EFHC1: variants seen among roughly 807,000 people sequenced by gnomAD.
The protein encoded by EFHC1 is EF-hand domain-containing protein 1.
A neutral mutation model predicts 69.9 loss-of-function variants in EFHC1; 53 were observed. That is an observed-to-expected ratio of 0.76 (90% CI 0.61 to 0.95). The LOEUF is 0.95. Among genes scored for constraint, EFHC1 ranks in the 40% least tolerant of loss-of-function variants. The pLI, the probability that EFHC1 is intolerant of heterozygous loss-of-function variation, is 0.00. For synonymous variants in EFHC1, 256 were observed against 278.4 expected (o/e 0.92, Z 0.80); for missense variants, 739 against 798.7 (o/e 0.93, Z 0.90).
intron 9 of EFHC1, chr6:52,488,626 T>C (rs952170065): frequency 6.6e-6 from 1 of 152,202 alleles, no homozygotes; most frequent in South Asian, 2.1e-4. Context: ...AAAAGCTTTG[T>C]TCCTACCCCA....
At chr6:52,459,173 T>C (rs1310933364) in intron 5 of EFHC1, among the ~76,000 whole-genome samples, 13 of 152,194 alleles carry the variant, frequency 8.5e-5, no homozygotes, top group African/African-American at 3.1e-4. Flanking sequence ...CATCATGCAA[T>C]ATACCTGTGC....
At chr6:52,484,170 A>G (rs1175534994) in intron 9 of EFHC1, 4 of 152,288 alleles carry the variant, frequency 2.6e-5, no homozygotes, top group Non-Finnish European at 4.4e-5. Flanking sequence ...GGGGTTTAGT[A>G]TGAGTGGAGG....
intron 2 of EFHC1, among the ~76,000 whole-genome samples, chr6:52,424,802 C>G (rs771660042): frequency 2.6e-5 from 4 of 152,272 alleles, no homozygotes; most frequent in Admixed American, 6.5e-5. Context: ...TAGCCCTAGC[C>G]CTGACCATGT....
intron 3 of EFHC1, among the ~76,000 whole-genome samples, chr6:52,439,008 A>T (rs186681918): frequency 6.6e-6 from 1 of 152,294 alleles, no homozygotes; most frequent in Non-Finnish European, 1.5e-5. Flanking sequence ...TGTGTAGCTC[A>T]TATATTTTTG....
chr6:52,481,526 C>G (rs1401553221), intron 9 of EFHC1: 1 of 151,956 alleles, frequency 6.6e-6, no homozygotes, highest in Non-Finnish European at 1.5e-5. Flanking sequence ...CTCTCTCTCT[C>G]TCTCTCTCTC....
At chr6:52,431,574 A>G (rs1436211389) in intron 2 of EFHC1, among the ~76,000 whole-genome samples, 3 of 152,194 alleles carry the variant, frequency 2.0e-5, no homozygotes, top group South Asian at 4.1e-4. Context: ...AGTGCTTGAT[A>G]TAATTTCAAT....
rs745680446 is a variant in EFHC1, at chr6:52,492,516, G to T, written c.*175G>T. ...TTGGATCTAATAGGATCTAAGATTG[G>T]TGCCTTATTTAGGGTGATAGGGGTA... is the stretch of plus-strand genomic sequence containing the variant. On this transcript the variant is annotated 3_prime_UTR_variant, in exon 11 of 11. Coordinates refer to ENST00000371068, the MANE Select transcript of EFHC1 (RefSeq NM_018100.4). 60 of 731,614 alleles carry T rather than the reference G, an allele frequency of 8.2e-5. No homozygotes were observed. The highest frequency in any genetic ancestry group is 1.3e-4 in the Non-Finnish European group (55 of 414,892). The allele number at this position is 731,614 out of a possible 1,614,324, so 45.3% of individuals were successfully genotyped here. A position where few individuals can be genotyped will look rare whatever the true frequency, so the allele number is the denominator to read the frequency against.
At chr6:52,458,431 C>T (rs540782412) in intron 5 of EFHC1, among the ~76,000 whole-genome samples, 1 of 152,288 alleles carries the variant, frequency 6.6e-6, no homozygotes, top group African/African-American at 2.4e-5. Flanking sequence ...TATCCAGAAT[C>T]TATAAGGAAC....
intron 3 of EFHC1, among the ~76,000 whole-genome samples, chr6:52,446,698 C>T (rs919942446): frequency 5.9e-5 from 9 of 152,116 alleles, no homozygotes; most frequent in Admixed American, 5.2e-4. Context: ...GTGGCTGGTA[C>T]CGGTTGTTCC....
intron 7 of EFHC1, among the ~76,000 whole-genome samples, chr6:52,471,954 AAAGAAT>A (rs1765445341): frequency 6.6e-6 from 1 of 151,840 alleles, no homozygotes. Context: ...TTAAGGAGAT[AAAGAAT>A]AAGATTGAGA....
chr6:52,437,744 C>T (rs114660436), intron 2 of EFHC1: 1 of 154,224 alleles, frequency 6.5e-6, no homozygotes, highest in Non-Finnish European at 1.4e-5. Context: ...CTAAGGCAAC[C>T]AGTTCTATGG....
In EFHC1 at chr6:52,496,225, C is replaced by CACACACAG. The variant is rs573419357; in HGVS notation, c.*3885_*3886insCACACAGA. On this transcript the variant is annotated 3_prime_UTR_variant, in exon 11 of 11. Transcript: ENST00000371068. ...ACACACACCCACACACACACACACA[C>CACACACAG]AAAGAGAGAATGAGAATTATTAAGA... The CACACACAG allele has an allele frequency of 4.5e-5, 7 of 154,702 alleles. No homozygotes were observed. Among genetic ancestry groups the CACACACAG allele is most frequent in the African/African-American group, 1.7e-4 (7 of 41,278 alleles). The allele number at this position is 154,702 out of a possible 1,614,324, so 9.6% of individuals were successfully genotyped here. A position where few individuals can be genotyped will look rare whatever the true frequency, so the allele number is the denominator to read the frequency against.
At chr6:52,471,640 C>A (rs947036807) in intron 7 of EFHC1, among the ~76,000 whole-genome samples, 1 of 152,018 alleles carries the variant, frequency 6.6e-6, no homozygotes, top group Non-Finnish European at 1.5e-5. Flanking sequence ...CCAAGGAGGG[C>A]AGATCACTTG....
intron 2 of EFHC1, among the ~76,000 whole-genome samples, chr6:52,428,838 A>G (rs1764357986): frequency 6.6e-6 from 1 of 152,154 alleles, no homozygotes; most frequent in Non-Finnish European, 1.5e-5. Flanking sequence ...AGTTCATTGC[A>G]TCCACACCAA....
At chr6:52,448,151 C>T (rs1166868967) in intron 3 of EFHC1, among the ~76,000 whole-genome samples, 1 of 152,258 alleles carries the variant, frequency 6.6e-6, no homozygotes, top group African/African-American at 2.4e-5. Flanking sequence ...TTTTGTTCAG[C>T]TATGCCCTGC....
intron 6 of EFHC1, among the ~76,000 whole-genome samples, chr6:52,465,677 C>G (rs575833482): frequency 1.3e-5 from 2 of 151,432 alleles, no homozygotes; most frequent in African/African-American, 4.8e-5. Context: ...TGTAGTGGTG[C>G]GCACCTGTAA....
intron 10 of EFHC1, 105 bp from the exon 11 acceptor site, chr6:52,492,165 C>A: frequency 9.9e-7 from 1 of 1,012,558 alleles, no homozygotes; most frequent in Non-Finnish European, 1.5e-6. Context: ...AAATTCTGAA[C>A]TGATTTACAA....
At chr6:52,492,075 C>T (rs1020915937) in intron 10 of EFHC1, among the ~76,000 whole-genome samples, 195 bp from the exon 11 acceptor site, 1 of 152,210 alleles carries the variant, frequency 6.6e-6, no homozygotes, top group African/African-American at 2.4e-5. Flanking sequence ...GCTTTGGTTT[C>T]ATTAAGTGTA....
intron 9 of EFHC1, chr6:52,487,470 C>T (rs1765810121): frequency 6.6e-6 from 1 of 152,196 alleles, no homozygotes; most frequent in Non-Finnish European, 1.5e-5. Flanking sequence ...CTGAATTGCT[C>T]TCCATTCTGC....
Sources: gnomAD v4.1 joint callset for allele counts (sites outside exome capture counted in the v4.1 genomes callset) on GRCh38, gnomAD v4.1.1 for gene constraint, MANE v1.5 for transcripts, NCBI Gene and HGNC (gene_info 2026-07-23, HGNC 2026-07-21) for gene names.